Variants in CACNA2D3 observed in about 807,000 individuals in gnomAD.
CACNA2D3 encodes the protein voltage-dependent calcium channel subunit alpha-2/delta-3.
In CACNA2D3, 60 loss-of-function variants were observed where a neutral mutation model predicts 160.6. The ratio of observed to expected loss-of-function variants is 0.37; its 90% CI spans 0.30 to 0.46. The LOEUF (loss-of-function observed/expected upper bound fraction) is 0.46, where lower values mean the gene tolerates loss of function less well. Among genes scored for constraint, CACNA2D3 ranks in the 20% least tolerant of loss-of-function variants. CACNA2D3 has a pLI of 1.00. For synonymous variants in CACNA2D3, 558 were observed against 492.9 expected (o/e 1.13, Z -1.75); for missense variants, 1,205 against 1,365.0 (o/e 0.88, Z 1.85).
chr3:54,535,373 A>G (rs1261717033), intron 5 of CACNA2D3, among the ~76,000 whole-genome samples: 1 of 152,236 alleles, frequency 6.6e-6, no homozygotes, highest in African/African-American at 2.4e-5. Context: ...ATGAATAAGC[A>G]AATATTCAGT....
At chr3:54,516,790 C>T (rs1701558395) in intron 5 of CACNA2D3, among the ~76,000 whole-genome samples, 2 of 152,114 alleles carry the variant, frequency 1.3e-5, no homozygotes, top group South Asian at 4.1e-4. Context: ...AGAGACTTTT[C>T]TGGGGTAGAT....
intron 8 of CACNA2D3, among the ~76,000 whole-genome samples, chr3:54,576,184 T>C (rs766622843): frequency 2.2e-4 from 33 of 152,330 alleles, no homozygotes; most frequent in Non-Finnish European, 4.3e-4. Context: ...CTGTTAGGCC[T>C]GAAAGCGGAA....
intron 9 of CACNA2D3, among the ~76,000 whole-genome samples, 188 bp from the exon 10 acceptor site, chr3:54,627,599 C>T (rs1253877302): frequency 3.3e-5 from 5 of 152,160 alleles, no homozygotes; most frequent in Middle Eastern, 3.2e-3. Context: ...GAAGCTAAAC[C>T]ATGAATATTG....
At chr3:54,714,721 T>C (rs889228078) in intron 11 of CACNA2D3, among the ~76,000 whole-genome samples, 1 of 152,210 alleles carries the variant, frequency 6.6e-6, no homozygotes. Flanking sequence ...ACGAGGATGA[T>C]GGTAGCACTG....
intron 4 of CACNA2D3, among the ~76,000 whole-genome samples, chr3:54,485,567 A>AC (rs1473621694): frequency 6.8e-6 from 1 of 146,486 alleles, no homozygotes; most frequent in Non-Finnish European, 1.5e-5. Context: ...TATAATAGAC[A>AC]CTTTTTTTTT....
At chr3:54,693,811 A>AT (rs1281798552) in intron 11 of CACNA2D3, among the ~76,000 whole-genome samples, 1 of 152,160 alleles carries the variant, frequency 6.6e-6, no homozygotes, top group Non-Finnish European at 1.5e-5. Context: ...AAAATTAAAA[A>AT]TTTTAAAAGT....
intron 35 of CACNA2D3, among the ~76,000 whole-genome samples, chr3:55,065,821 T>G (rs1004508670): frequency 6.6e-6 from 1 of 152,168 alleles, no homozygotes; most frequent in Non-Finnish European, 1.5e-5. Context: ...CTCAATAATC[T>G]TGTTCACTTG....
chr3:54,555,907 G>T (rs1208600536), intron 5 of CACNA2D3, among the ~76,000 whole-genome samples: 1 of 152,194 alleles, frequency 6.6e-6, no homozygotes, highest in East Asian at 1.9e-4. Context: ...TGCATTACAG[G>T]TAGGACCCAT....
At chr3:54,580,141 C>G (rs1165078211) in intron 8 of CACNA2D3, among the ~76,000 whole-genome samples, 4 of 152,060 alleles carry the variant, frequency 2.6e-5, no homozygotes, top group Admixed American at 2.6e-4. Context: ...TTTTGCCGTG[C>G]CTCAGTTTCC....
chr3:55,074,052 G>A, intron 37 of CACNA2D3, 62 bp from the exon 38 acceptor site: 1 of 1,384,700 alleles, frequency 7.2e-7, no homozygotes, highest in Non-Finnish European at 1.0e-6. Context: ...GAGAGGTCTG[G>A]GGAAAGTTGA....
At chr3:54,736,747 T>A (rs939043850) in intron 11 of CACNA2D3, among the ~76,000 whole-genome samples, 1 of 152,222 alleles carries the variant, frequency 6.6e-6, no homozygotes, top group Non-Finnish European at 1.5e-5. Context: ...TGCCCTGTTA[T>A]TGTGTTCTCA....
chr3:54,598,647 C>T (rs569259568), intron 9 of CACNA2D3, among the ~76,000 whole-genome samples: 1 of 152,250 alleles, frequency 6.6e-6, no homozygotes, highest in African/African-American at 2.4e-5. Flanking sequence ...ATGTGCATAC[C>T]TTAATACCAA....
chr3:54,402,811 A>G (rs1009952381), intron 4 of CACNA2D3, among the ~76,000 whole-genome samples: 4 of 152,194 alleles, frequency 2.6e-5, no homozygotes, highest in Admixed American at 1.3e-4. Flanking sequence ...TTTCCATCCA[A>G]CAGCAGCAGA....
intron 5 of CACNA2D3, among the ~76,000 whole-genome samples, chr3:54,535,921 T>C (rs1701881981): frequency 6.6e-6 from 1 of 152,230 alleles, no homozygotes; most frequent in Non-Finnish European, 1.5e-5. Context: ...ACAGATGAAG[T>C]GGCCACCAGG....
At chr3:54,136,836 C>T (rs572824007) in intron 2 of CACNA2D3, among the ~76,000 whole-genome samples, 38 of 152,318 alleles carry the variant, frequency 2.5e-4, no homozygotes, top group Non-Finnish European at 5.9e-5. Context: ...AGCTTGGCCC[C>T]GAGCCCCAGA....
chr3:54,538,839 T>C (rs1267916411), intron 5 of CACNA2D3, among the ~76,000 whole-genome samples: 1 of 152,194 alleles, frequency 6.6e-6, no homozygotes, highest in African/African-American at 2.4e-5. Context: ...CCATACTATA[T>C]GTATGAATTT....
intron 4 of CACNA2D3, among the ~76,000 whole-genome samples, chr3:54,469,054 C>G (rs1041204329): frequency 6.6e-6 from 1 of 152,248 alleles, no homozygotes; most frequent in Non-Finnish European, 1.5e-5. Context: ...AGCCCATCTC[C>G]CAGCACAGTG....
At chr3:54,617,825 A>G (rs912190828) in intron 9 of CACNA2D3, among the ~76,000 whole-genome samples, 2 of 152,118 alleles carry the variant, frequency 1.3e-5, no homozygotes, top group Middle Eastern at 3.2e-3. Context: ...GATACAATAG[A>G]GAAGACAGAC....
At chr3:54,763,724 T>TATAC (rs1575463334) in intron 12 of CACNA2D3, among the ~76,000 whole-genome samples, 1 of 118,426 alleles carries the variant, frequency 8.4e-6, no homozygotes, top group Non-Finnish European at 1.9e-5. Flanking sequence ...TGTACATATA[T>TATAC]ACATATATAT....
Sources: allele counts gnomAD v4.1 joint callset (sites outside exome capture counted in the v4.1 genomes callset), GRCh38; gene constraint gnomAD v4.1.1; transcripts MANE v1.5; gene names NCBI Gene and HGNC (gene_info 2026-07-23, HGNC 2026-07-21).